TUSC3: variants seen among roughly 807,000 people sequenced by gnomAD.
TUSC3 encodes the protein tumor suppressor candidate 3.
In TUSC3, 45 loss-of-function variants were observed where a neutral mutation model predicts 44.8. The ratio of observed to expected loss-of-function variants is 1.00; its 90% CI spans 0.79 to 1.29. The LOEUF (loss-of-function observed/expected upper bound fraction) is 1.29. Among genes scored for constraint, TUSC3 ranks in the 50% most tolerant of loss-of-function variants. The pLI is 0.00. For synonymous variants in TUSC3, 212 were observed against 152.9 expected, an observed-to-expected ratio of 1.39 and a Z score of -2.85; for missense variants, 519 against 437.9, an observed-to-expected ratio of 1.19 and a Z score of -1.65.
the TUSC3 span, among the ~76,000 whole-genome samples, chr8:15,827,516 T>C: frequency 7.2e-5 from 11 of 152,238 alleles, no homozygotes; most frequent in Admixed American, 3.3e-4. Flanking sequence ...AACCTTATGG[T>C]TAGCTTAATG....
intron 6 of TUSC3, chr8:15,688,954 T>C: frequency 4.9e-6 from 1 of 204,768 alleles, no homozygotes; most frequent in Non-Finnish European, 1.0e-5. Flanking sequence ...GAGGACTGAG[T>C]GCATACAGGA....
chr8:15,720,229 CACACAG>C lies in TUSC3; in HGVS notation c.799-10435_799-10430del, dbSNP rs1254535415. ...ACACACACACACACACACACACACA[CACACAG>C]AGAGAACATTTCTCATATACCTTGA... On this transcript the variant is annotated intron_variant, in intron 6 of 10. Transcript: ENST00000503731. 3.4e-3 allele frequency among the ~76,000 whole-genome samples: 516 copies of C among 150,722 alleles called. 1 individual carries two copies. The highest frequency in any genetic ancestry group is 0.011 in the African/African-American group (444 of 40,864).
At chr8:15,539,344 T>A (rs1253473927), upstream of TUSC3, among the ~76,000 whole-genome samples, 1 of 133,812 alleles carries the variant, frequency 7.5e-6, no homozygotes, top group South Asian at 2.4e-4. Flanking sequence ...CTGCTATGGT[T>A]CTTTTTTTTT....
At chr8:15,748,904 G>C (rs1001050181) in intron 9 of TUSC3, 2 of 376,406 alleles carry the variant, frequency 5.3e-6, no homozygotes, top group Non-Finnish European at 1.0e-5. Context: ...GAAAAGTTAA[G>C]TAATAAAATA....
the TUSC3 span, among the ~76,000 whole-genome samples, chr8:15,785,231 A>G: frequency 6.6e-6 from 1 of 152,114 alleles, no homozygotes; most frequent in Non-Finnish European, 1.5e-5. Context: ...AATTTTAAAA[A>G]GAAGATCTGT....
chr8:15,755,416 A>T (rs184968204), intron 9 of TUSC3, among the ~76,000 whole-genome samples: 45 of 152,262 alleles, frequency 3.0e-4, no homozygotes, highest in African/African-American at 1.1e-3. Context: ...TCTTCTGCTA[A>T]AAAGTTTTTC....
At chr8:15,664,936 A>T (rs957021892) in intron 5 of TUSC3, among the ~76,000 whole-genome samples, 1 of 151,142 alleles carries the variant, frequency 6.6e-6, no homozygotes, top group Non-Finnish European at 1.5e-5. Context: ...ACCAAACTTG[A>T]TTGTTGCTTA....
chr8:15,648,380 TGACTA>T (rs1172440108), intron 2 of TUSC3, among the ~76,000 whole-genome samples: 1 of 152,106 alleles, frequency 6.6e-6, no homozygotes, highest in Non-Finnish European at 1.5e-5. Flanking sequence ...TACAAAGGCC[TGACTA>T]GACGCGGGCA....
At chr8:15,523,451 A>G (rs921508744) in intron 2 of TUSC3, among the ~76,000 whole-genome samples, 2 of 151,980 alleles carry the variant, frequency 1.3e-5, no homozygotes, top group Non-Finnish European at 2.9e-5. Context: ...TTTGTCTTCC[A>G]AAAATGCATA....
chr8:15,510,629 G>T (rs542317991), intron 2 of TUSC3, among the ~76,000 whole-genome samples: 7 of 152,128 alleles, frequency 4.6e-5, no homozygotes, highest in African/African-American at 1.7e-4. Context: ...AGGCCCAGAT[G>T]GCTCTCTTGA....
chr8:15,523,782 G>A (rs1045156206), intron 2 of TUSC3, among the ~76,000 whole-genome samples: 3 of 149,476 alleles, frequency 2.0e-5, no homozygotes, highest in African/African-American at 7.4e-5. Flanking sequence ...TAGAGGCAGG[G>A]CGCGGAGGCT....
At chr8:15,471,166 T>C (rs576007754) in intron 1 of TUSC3, among the ~76,000 whole-genome samples, 111 of 152,328 alleles carry the variant, frequency 7.3e-4, no homozygotes, top group African/African-American at 2.5e-3. Context: ...CCTCTGCTCA[T>C]TGATTCACCA....
intron 3 of TUSC3, among the ~76,000 whole-genome samples, chr8:15,651,474 C>T (rs999156639): frequency 1.3e-5 from 2 of 152,122 alleles, no homozygotes; most frequent in Non-Finnish European, 2.9e-5. Context: ...GAAGATAGGG[C>T]CTTGAAGGAA....
At chr8:15,453,396 C>G (rs944447004) in intron 1 of TUSC3, among the ~76,000 whole-genome samples, 1 of 152,116 alleles carries the variant, frequency 6.6e-6, no homozygotes, top group Admixed American at 6.5e-5. Context: ...TTTTATGGCA[C>G]CACTAAAAAA....
At chr8:15,590,615 A>G (rs113820445) in intron 1 of TUSC3, among the ~76,000 whole-genome samples, 9 of 151,998 alleles carry the variant, frequency 5.9e-5, no homozygotes, top group African/African-American at 1.9e-4. Flanking sequence ...GGGATTCTTC[A>G]AAGTATTTAT....
At chr8:15,631,987 G>T (rs1223303310) in intron 2 of TUSC3, among the ~76,000 whole-genome samples, 1 of 152,176 alleles carries the variant, frequency 6.6e-6, no homozygotes, top group Non-Finnish European at 1.5e-5. Flanking sequence ...GATTACAGGT[G>T]TGAGCCACCG....
intron 2 of TUSC3, among the ~76,000 whole-genome samples, chr8:15,644,907 T>C (rs1806558411): frequency 6.6e-6 from 1 of 152,172 alleles, no homozygotes; most frequent in Admixed American, 6.5e-5. Context: ...TGTGATTTGC[T>C]TTAGCTTCTG....
chr8:15,832,657 T>C, the TUSC3 span, among the ~76,000 whole-genome samples: 12 of 152,096 alleles, frequency 7.9e-5, no homozygotes, highest in African/African-American at 2.9e-4. Context: ...AAACAGACTT[T>C]AAACCAACAA....
At chr8:15,452,411 A>G (rs1223807755) in intron 1 of TUSC3, among the ~76,000 whole-genome samples, 1 of 152,184 alleles carries the variant, frequency 6.6e-6, no homozygotes, top group Non-Finnish European at 1.5e-5. Context: ...TCACGCCTTT[A>G]ATTAAATTCA....
Sources: gnomAD v4.1 joint callset for allele counts (sites outside exome capture counted in the v4.1 genomes callset) on GRCh38, gnomAD v4.1.1 for gene constraint, MANE v1.5 for transcripts, NCBI Gene and HGNC (gene_info 2026-07-23, HGNC 2026-07-21) for gene names.